Variants in ERH observed in about 807,000 individuals in gnomAD.
The protein encoded by ERH is ERH mRNA splicing and mitosis factor, also known as enhancer of rudimentary homolog.
In ERH, 1 loss-of-function variant was observed where a neutral mutation model predicts 16.8. That is an observed-to-expected ratio of 0.06 (90% CI 0.02 to 0.28). The LOEUF is 0.28. ERH is among the 10% of genes least tolerant of loss of function. The pLI is 1.00. For missense variants in ERH, 42 were observed against 127.5 expected (o/e 0.33, Z 3.23); for synonymous variants, 43 against 43.6 (o/e 0.99, Z 0.05).
chr14:69,396,179 C>T lies in ERH; in HGVS notation c.4-1267G>A, dbSNP rs536655925. Reference sequence around the variant, plus strand: ...CCCAAATCAAACTATTCACCTTTTTCCTTCTCTTCTGCTGTACTAGTATTT... The same window carrying T: ...CCCAAATCAAACTATTCACCTTTTTTCTTCTCTTCTGCTGTACTAGTATTT... On this transcript the variant is annotated intron_variant, in intron 1 of 3. Coordinates refer to ENST00000557016, the MANE Select transcript of ERH (RefSeq NM_004450.3). Among the ~76,000 whole-genome samples, 108 of 152,294 alleles carry T rather than the reference C, an allele frequency of 7.1e-4. 1 individual carries two copies. Among genetic ancestry groups the T allele is most frequent in the Middle Eastern group, 3.4e-3 (1 of 294 alleles).
At chr14:69,395,451 T>C (rs1479433042) in intron 1 of ERH, among the ~76,000 whole-genome samples, 2 of 152,218 alleles carry the variant, frequency 1.3e-5, no homozygotes, top group African/African-American at 4.8e-5. Context: ...CAGTATAAGC[T>C]ACCTTGCCCT....
intron 2 of ERH, among the ~76,000 whole-genome samples, chr14:69,390,002 G>A (rs554913763): frequency 2.6e-5 from 4 of 151,740 alleles, no homozygotes; most frequent in East Asian, 3.9e-4. Context: ...CAAGCAATCC[G>A]CTCACCTTGG....
Position 69,394,760 on chromosome 14 carries a change from T to G in ERH, c.91+65A>C, listed in dbSNP as rs201047014. 4 of 1,218,640 alleles carry G rather than the reference T, an allele frequency of 3.3e-6. No homozygotes were observed. The African/African-American group carries it at 4.6e-5, about 14-fold the overall frequency. The allele number at this position is 1,218,640 out of a possible 1,614,324, so 75.5% of individuals were successfully genotyped here. A position where few individuals can be genotyped will look rare whatever the true frequency, so the allele number is the denominator to read the frequency against. On this transcript the variant is annotated intron_variant, in intron 2 of 3. Transcript: ENST00000557016. ...GATGGACTATTAAAAAAAAAAAATT[T>G]GGAGGGGAAAAACCCAGTTCCTAAA...
intron 3 of ERH, among the ~76,000 whole-genome samples, chr14:69,385,068 CCT>C (rs2045882952): frequency 6.6e-6 from 1 of 152,110 alleles, no homozygotes; most frequent in Admixed American, 6.5e-5. Flanking sequence ...AACTGATCTA[CCT>C]CTGTTTCCAG....
intron 2 of ERH, 96 bp downstream of exon 2, chr14:69,394,728 TG>T: frequency 1.4e-6 from 1 of 692,722 alleles, no homozygotes; most frequent in Non-Finnish European, 2.5e-6. Flanking sequence ...AGGCAGGGCC[TG>T]GGGTGGATGG....
At chr14:69,394,967 T>C in intron 1 of ERH, 55 bp from the exon 2 acceptor site, 1 of 1,281,864 alleles carries the variant, frequency 7.8e-7, no homozygotes, top group South Asian at 1.3e-5. Flanking sequence ...ATTCATAGTA[T>C]GATAAAAAAA....
chr14:69,384,734 T>C (rs2045881552), intron 3 of ERH, among the ~76,000 whole-genome samples: 1 of 152,224 alleles, frequency 6.6e-6, no homozygotes, highest in South Asian at 2.1e-4. Flanking sequence ...TGCATTTATA[T>C]AACCAATATT....
intron 1 of ERH, 74 bp downstream of exon 1, chr14:69,398,157 G>A (rs2140236865): frequency 2.5e-6 from 4 of 1,585,084 alleles, no homozygotes; most frequent in Admixed American, 1.7e-5. Context: ...CGTGGGGAGG[G>A]GAAAACGTAT....
chr14:69,394,935 A>C, intron 1 of ERH, 23 bp from the exon 2 acceptor site: 1 of 1,520,948 alleles, frequency 6.6e-7, no homozygotes, highest in East Asian at 2.2e-5. Context: ...ACATGATTTC[A>C]ATATAAGTTT....
At chr14:69,394,729 G>T in intron 2 of ERH, 96 bp downstream of exon 2, 1 of 700,420 alleles carries the variant, frequency 1.4e-6, no homozygotes, top group South Asian at 1.8e-5. Flanking sequence ...GGCAGGGCCT[G>T]GGGTGGATGG....
chr14:69,380,548 G>T lies in ERH; in HGVS notation c.305C>A (p.Ala102Asp). ...YVLLRRQAQQ[A>D]GK Reference sequence around the variant, plus strand: ...GTGCTTCCAACACAATTATTTCCCAGCCTGTTGGGCCTGCCGACGAAGGAG... The same window carrying T: ...GTGCTTCCAACACAATTATTTCCCATCCTGTTGGGCCTGCCGACGAAGGAG... Residue 102 changes from alanine (A) to aspartate (D), a missense_variant, in exon 4 of 4, where the codon GCT (alanine) becomes GAT (aspartate). Physicochemically the swap from Ala to Asp is moderately radical, Grantham distance 126. Transcript: ENST00000557016. The T allele has an allele frequency of 7.3e-7, 1 of 1,363,696 alleles. No homozygotes were observed. 84.5% of individuals were successfully genotyped at this position (1,363,696 alleles called of 1,614,324 possible).
intron 1 of ERH, 115 bp from the exon 2 acceptor site, chr14:69,395,027 A>G: frequency 1.3e-6 from 1 of 747,990 alleles, no homozygotes; most frequent in Non-Finnish European, 2.2e-6. Flanking sequence ...AAATGTAATT[A>G]GAGAGGCCAG....
chr14:69,389,514 T>A (rs937290643), intron 2 of ERH, among the ~76,000 whole-genome samples: 2 of 152,160 alleles, frequency 1.3e-5, no homozygotes, highest in African/African-American at 4.8e-5. Context: ...TATTTGCAGA[T>A]GACATTATCT....
At chr14:69,386,817 G>C (rs957491241) in intron 3 of ERH, 146 bp downstream of exon 3, 2 of 638,484 alleles carry the variant, frequency 3.1e-6, no homozygotes, top group Non-Finnish European at 4.8e-6. Flanking sequence ...TCTTATTTCT[G>C]TAAGAGAAAT....
At chr14:69,386,655 T>C (rs974467795) in intron 3 of ERH, 1 of 211,882 alleles carries the variant, frequency 4.7e-6, no homozygotes, top group African/African-American at 2.3e-5. Flanking sequence ...ACCAATGGCT[T>C]TAAGACAAAG....
At chr14:69,395,535 T>G (rs1003721214) in intron 1 of ERH, among the ~76,000 whole-genome samples, 1 of 152,322 alleles carries the variant, frequency 6.6e-6, no homozygotes, top group Non-Finnish European at 1.5e-5. Context: ...AGTGGTCACT[T>G]TCCATCTTTA....
At chr14:69,386,105 T>C (rs1458706338) in intron 3 of ERH, among the ~76,000 whole-genome samples, 1 of 152,150 alleles carries the variant, frequency 6.6e-6, no homozygotes, top group African/African-American at 2.4e-5. Context: ...GTGATCAAAG[T>C]GAAATGGCTA....
intron 2 of ERH, among the ~76,000 whole-genome samples, chr14:69,393,427 G>C (rs947553543): frequency 6.6e-6 from 1 of 152,126 alleles, no homozygotes; most frequent in Admixed American, 6.5e-5. Context: ...ACTAGACAAA[G>C]GAAATGTGGT....
intron 1 of ERH, among the ~76,000 whole-genome samples, chr14:69,397,736 T>G (rs898016638): frequency 6.6e-6 from 1 of 151,952 alleles, no homozygotes. Flanking sequence ...CTGGCCAACA[T>G]GGTGAAACGC....
Sources: gnomAD v4.1 joint callset for allele counts (sites outside exome capture counted in the v4.1 genomes callset) on GRCh38, gnomAD v4.1.1 for gene constraint, MANE v1.5 for transcripts, NCBI Gene and HGNC (gene_info 2026-07-23, HGNC 2026-07-21) for gene names.